Variants in MARCHF1 observed in about 807,000 individuals in gnomAD.
MARCHF1 encodes membrane associated ring-CH-type finger 1.
Under a neutral mutation model 54.2 loss-of-function variants are expected in MARCHF1, and 40 were observed. The observed-to-expected ratio is 0.74, with a 90% CI of 0.57 to 0.96. The LOEUF (loss-of-function observed/expected upper bound fraction) is 0.96, where lower values mean the gene tolerates loss of function less well. MARCHF1 is among the 40% of genes least tolerant of loss of function. The pLI is 0.00. For synonymous variants in MARCHF1, 236 were observed against 236.3 expected (o/e 1.00, Z 0.01); for missense variants, 586 against 656.5 (o/e 0.89, Z 1.17).
chr4:163,569,123 A>G (rs1739746373), intron 8 of MARCHF1, among the ~76,000 whole-genome samples: 1 of 152,104 alleles, frequency 6.6e-6, no homozygotes, highest in Admixed American at 6.6e-5. Context: ...TGGAGGGTTG[A>G]TGCTGCATAG....
At chr4:164,365,278 G>A (rs1212136167) in intron 1 of MARCHF1, among the ~76,000 whole-genome samples, 1 of 151,960 alleles carries the variant, frequency 6.6e-6, no homozygotes, top group African/African-American at 2.4e-5. Context: ...AGTGAAAAAA[G>A]GTTGATTCAG....
At chr4:164,145,436 A>C (rs188941652) in intron 1 of MARCHF1, among the ~76,000 whole-genome samples, 2 of 152,216 alleles carry the variant, frequency 1.3e-5, no homozygotes, top group African/African-American at 4.8e-5. Flanking sequence ...TAATACTGGC[A>C]AAACGAATCC....
intron 1 of MARCHF1, among the ~76,000 whole-genome samples, chr4:164,139,901 T>C (rs1756486205): frequency 6.6e-6 from 1 of 152,170 alleles, no homozygotes; most frequent in African/African-American, 2.4e-5. Flanking sequence ...GACTTCAAAT[T>C]TGACTCATTC....
chr4:164,064,480 T>G (rs1395134207), intron 2 of MARCHF1, among the ~76,000 whole-genome samples: 1 of 152,238 alleles, frequency 6.6e-6, no homozygotes, highest in East Asian at 1.9e-4. Context: ...GGAATGCTAG[T>G]GATTTTTGCA....
intron 1 of MARCHF1, among the ~76,000 whole-genome samples, chr4:164,212,264 T>C (rs997862103): frequency 1.3e-5 from 2 of 152,190 alleles, no homozygotes; most frequent in Non-Finnish European, 2.9e-5. Flanking sequence ...CATTTAATCA[T>C]CATGATAGCC....
chr4:163,560,338 A>T (rs1368327642), intron 8 of MARCHF1, among the ~76,000 whole-genome samples: 2 of 152,124 alleles, frequency 1.3e-5, no homozygotes, highest in African/African-American at 4.8e-5. Context: ...TTGACTGTAT[A>T]TGTGTGGCTC....
chr4:163,731,775 G>C (rs535993693), intron 4 of MARCHF1, among the ~76,000 whole-genome samples: 1 of 152,166 alleles, frequency 6.6e-6, no homozygotes, highest in Non-Finnish European at 1.5e-5. Context: ...AGTGTCTGCC[G>C]TTAATCACCT....
chr4:164,295,816 G>A (rs775860711), intron 1 of MARCHF1, among the ~76,000 whole-genome samples: 1 of 152,116 alleles, frequency 6.6e-6, no homozygotes, highest in Non-Finnish European at 1.5e-5. Flanking sequence ...TAAAGAAATG[G>A]AAGAAGATAA....
At chr4:164,169,305 T>C (rs112215805) in intron 1 of MARCHF1, among the ~76,000 whole-genome samples, 1,623 of 152,186 alleles carry the variant, frequency 0.011, 20 homozygotes, top group East Asian at 0.053. Context: ...CTTTTGTCTC[T>C]TCCTGTATTT....
At chr4:164,001,469 T>C (rs539841413) in intron 2 of MARCHF1, among the ~76,000 whole-genome samples, 1 of 151,924 alleles carries the variant, frequency 6.6e-6, no homozygotes, top group Non-Finnish European at 1.5e-5. Context: ...GTTCCTCTAT[T>C]GTTTTCAGGC....
At chr4:164,275,291 G>A (rs182147231) in intron 1 of MARCHF1, among the ~76,000 whole-genome samples, 8 of 152,156 alleles carry the variant, frequency 5.3e-5, no homozygotes, top group South Asian at 2.1e-4. Context: ...TGTTTTCCTC[G>A]TCTGCGGCCA....
In MARCHF1 at chr4:164,338,958, G is replaced by A. The variant is rs140925724; in HGVS notation, c.-323+44912C>T. 1.3e-3 allele frequency among the ~76,000 whole-genome samples: 199 copies of A among 151,678 alleles called. 1 individual carries two copies. Among genetic ancestry groups the A allele is most frequent in the Middle Eastern group, 6.8e-3 (2 of 294 alleles). ...TTGCACTACAGCCTGAGCAACAAGAGCAAAACTCCATCTCAAAAAAAATAA... is the reference window on the plus strand; with the variant it reads ...TTGCACTACAGCCTGAGCAACAAGAACAAAACTCCATCTCAAAAAAAATAA... On this transcript the variant is annotated intron_variant, in intron 1 of 9. Coordinates refer to ENST00000514618, the MANE Select transcript of MARCHF1 (RefSeq NM_001394959.1).
intron 2 of MARCHF1, among the ~76,000 whole-genome samples, chr4:164,068,084 C>G (rs189177489): frequency 6.6e-6 from 1 of 152,176 alleles, no homozygotes; most frequent in Non-Finnish European, 1.5e-5. Context: ...ATGCTAGTGA[C>G]GTTGTGGAGA....
At chr4:163,996,709 T>C (rs1158425299) in intron 2 of MARCHF1, among the ~76,000 whole-genome samples, 1 of 152,074 alleles carries the variant, frequency 6.6e-6, no homozygotes, top group African/African-American at 2.4e-5. Context: ...ATATCTATGG[T>C]ATTTCACCCA....
At chr4:163,541,257 A>G (rs1738715375) in intron 9 of MARCHF1, among the ~76,000 whole-genome samples, 1 of 152,236 alleles carries the variant, frequency 6.6e-6, no homozygotes, top group African/African-American at 2.4e-5. Context: ...CAGCCATGAA[A>G]ACAAAGTCAA....
At chr4:164,042,036 A>G (rs1754140252) in intron 2 of MARCHF1, among the ~76,000 whole-genome samples, 1 of 152,194 alleles carries the variant, frequency 6.6e-6, no homozygotes, top group Non-Finnish European at 1.5e-5. Flanking sequence ...AGAAATACCA[A>G]TACTGCTACA....
intron 5 of MARCHF1, among the ~76,000 whole-genome samples, chr4:163,672,443 T>C (rs1234326840): frequency 6.6e-6 from 1 of 152,134 alleles, no homozygotes; most frequent in East Asian, 1.9e-4. Flanking sequence ...CCAGCTTTTG[T>C]TATTCATAAT....
At chr4:164,377,523 T>C (rs1432572753) in intron 1 of MARCHF1, among the ~76,000 whole-genome samples, 2 of 152,058 alleles carry the variant, frequency 1.3e-5, no homozygotes, top group Non-Finnish European at 2.9e-5. Flanking sequence ...ATGTAGCGCT[T>C]ATTTGTAAGT....
intron 2 of MARCHF1, among the ~76,000 whole-genome samples, chr4:164,058,293 C>G (rs774181473): frequency 6.6e-6 from 1 of 152,152 alleles, no homozygotes; most frequent in Non-Finnish European, 1.5e-5. Flanking sequence ...AAAATCTAAT[C>G]AATCTCTTTG....
Sources: allele counts gnomAD v4.1 joint callset (sites outside exome capture counted in the v4.1 genomes callset), GRCh38; gene constraint gnomAD v4.1.1; transcripts MANE v1.5; gene names NCBI Gene and HGNC (gene_info 2026-07-23, HGNC 2026-07-21).